Variants in SEMA3E observed in about 807,000 individuals in gnomAD.
SEMA3E encodes semaphorin 3E, also known as semaphorin-3E.
A neutral mutation model predicts 93.6 loss-of-function variants in SEMA3E; 49 were observed. The observed-to-expected ratio is 0.52, with a 90% CI of 0.42 to 0.66. The LOEUF (loss-of-function observed/expected upper bound fraction) is 0.66. Ranked by LOEUF, SEMA3E falls within the 30% of genes least tolerant of loss-of-function variation. The probability of loss-of-function intolerance (pLI) is 0.00; values close to 1 mark genes in which losing one functional copy is unlikely to be tolerated. For missense variants in SEMA3E, 906 were observed against 964.8 expected (o/e 0.94, Z 0.81); for synonymous variants, 363 against 330.7 (o/e 1.10, Z -1.06).
At chr7:83,629,353 G>T (rs2115665685) in intron 1 of SEMA3E, among the ~76,000 whole-genome samples, 1 of 152,296 alleles carries the variant, frequency 6.6e-6, no homozygotes, top group African/African-American at 2.4e-5. Context: ...TAGAGCCACT[G>T]CTCTCTTCAG....
At chr7:83,502,275 C>T (rs1377242385) in intron 1 of SEMA3E, among the ~76,000 whole-genome samples, 1 of 152,204 alleles carries the variant, frequency 6.6e-6, no homozygotes, top group Admixed American at 6.5e-5. Flanking sequence ...GTTCACCTCA[C>T]AGTAGCCAGA....
intron 1 of SEMA3E, among the ~76,000 whole-genome samples, chr7:83,546,699 A>G (rs1013821612): frequency 2.6e-5 from 4 of 152,104 alleles, no homozygotes; most frequent in African/African-American, 9.7e-5. Flanking sequence ...GAGTCTAGAC[A>G]AAAGATTTCA....
chr7:83,421,037 A>C (rs1788661908), intron 4 of SEMA3E, among the ~76,000 whole-genome samples: 1 of 142,570 alleles, frequency 7.0e-6, no homozygotes, highest in African/African-American at 2.5e-5. Flanking sequence ...CAACTTACAG[A>C]ATGTGAGAAA....
chr7:83,576,260 T>A (rs1792400132), intron 1 of SEMA3E, among the ~76,000 whole-genome samples: 1 of 152,206 alleles, frequency 6.6e-6, no homozygotes, highest in Non-Finnish European at 1.5e-5. Flanking sequence ...TGGAAGCTTA[T>A]CTATCAACGG....
At chr7:83,473,491 CA>C (rs1789945668) in intron 2 of SEMA3E, among the ~76,000 whole-genome samples, 1 of 152,190 alleles carries the variant, frequency 6.6e-6, no homozygotes, top group Non-Finnish European at 1.5e-5. Context: ...TTCTGATTAT[CA>C]AACAAAATAT....
rs946704830 is a variant in SEMA3E at position 83,571,266 on chromosome 7, T to C, written c.115+77162A>G. Reference sequence around the variant, plus strand: ...ATGCCAAAATCTGCCAGAGAGACAATGAAAAAAGAAAACTTCAGGCCCATA... The same window carrying C: ...ATGCCAAAATCTGCCAGAGAGACAACGAAAAAAGAAAACTTCAGGCCCATA... On this transcript the variant is annotated intron_variant, in intron 1 of 16. Transcript: ENST00000643230. Among the ~76,000 whole-genome samples, 5 of 151,778 alleles carry C rather than the reference T, an allele frequency of 3.3e-5. No homozygotes were observed. The South Asian group carries it at 1.0e-3, about 32-fold the overall frequency.
At chr7:83,608,448 T>A (rs1793173518) in intron 1 of SEMA3E, among the ~76,000 whole-genome samples, 1 of 152,148 alleles carries the variant, frequency 6.6e-6, no homozygotes. Context: ...CTACTTTTCT[T>A]TTTTTCATGA....
intron 1 of SEMA3E, among the ~76,000 whole-genome samples, chr7:83,538,059 A>G (rs1042492148): frequency 4.6e-5 from 7 of 152,052 alleles, no homozygotes; most frequent in Non-Finnish European, 8.8e-5. Flanking sequence ...GCATGTACTC[A>G]TTTCATTGTA....
At chr7:83,458,556 G>A (rs373948446) in intron 4 of SEMA3E, among the ~76,000 whole-genome samples, 6 of 151,800 alleles carry the variant, frequency 4.0e-5, no homozygotes, top group Non-Finnish European at 8.8e-5. Flanking sequence ...CATCTGAACC[G>A]TATGTGCAAG....
intron 1 of SEMA3E, among the ~76,000 whole-genome samples, chr7:83,510,054 A>G (rs1189966976): frequency 6.6e-6 from 1 of 152,148 alleles, no homozygotes; most frequent in Non-Finnish European, 1.5e-5. Flanking sequence ...TTGCTTGACT[A>G]TTACATCAAC....
rs933642895 is a variant in SEMA3E, at chr7:83,385,515, C to A, written c.1736-82G>T. 3.0e-6 allele frequency: 4 copies of A among 1,318,754 alleles called. No homozygotes were observed. In the African/African-American group the frequency reaches 4.4e-5, roughly 14 times the overall value. The allele number at this position is 1,318,754 out of a possible 1,614,324, so 81.7% of individuals were successfully genotyped here. ...TTTTCAAACATTATTTAGATCCCTG[C>A]AGTAACATGATTAACTCATTACTTA... On this transcript the variant is annotated intron_variant, in intron 15 of 16. Transcript: ENST00000643230.
At chr7:83,460,018 ACT>A (rs746711984) in intron 4 of SEMA3E, among the ~76,000 whole-genome samples, 5 of 151,788 alleles carry the variant, frequency 3.3e-5, no homozygotes, top group Admixed American at 6.6e-5. Flanking sequence ...CCCTTCGCTG[ACT>A]CTCTTTTCGG....
intron 1 of SEMA3E, among the ~76,000 whole-genome samples, chr7:83,564,560 A>G (rs1226110158): frequency 6.6e-6 from 1 of 152,218 alleles, no homozygotes; most frequent in East Asian, 1.9e-4. Context: ...TCTTTACTAA[A>G]ATATTTTAGT....
intron 1 of SEMA3E, among the ~76,000 whole-genome samples, chr7:83,552,915 G>A (rs929891832): frequency 6.6e-6 from 1 of 152,018 alleles, no homozygotes; most frequent in African/African-American, 2.4e-5. Flanking sequence ...GATCTTTGTT[G>A]GACCCTTATC....
At chr7:83,390,079 G>A (rs148567959) in intron 14 of SEMA3E, among the ~76,000 whole-genome samples, 7,821 of 104,332 alleles carry the variant, frequency 0.075, 763 homozygotes, top group Middle Eastern at 0.092. Flanking sequence ...GCGCGTATAC[G>A]TGTGCACATA....
At chr7:83,448,733 A>G (rs1789289615) in intron 4 of SEMA3E, among the ~76,000 whole-genome samples, 1 of 152,258 alleles carries the variant, frequency 6.6e-6, no homozygotes, top group African/African-American at 2.4e-5. Context: ...TGTAGCTGCT[A>G]CAAAACATCC....
At chr7:83,514,205 C>T (rs1279872681) in intron 1 of SEMA3E, among the ~76,000 whole-genome samples, 2 of 152,062 alleles carry the variant, frequency 1.3e-5, no homozygotes, top group Non-Finnish European at 2.9e-5. Context: ...TAATCCACCC[C>T]TTGTTTAGCA....
chr7:83,508,750 A>C (rs2115637186), intron 1 of SEMA3E, among the ~76,000 whole-genome samples: 1 of 152,312 alleles, frequency 6.6e-6, no homozygotes, highest in Non-Finnish European at 1.5e-5. Context: ...GATGACAAGT[A>C]TTTAGCACAT....
At chr7:83,389,919 A>C (rs2115564243) in intron 14 of SEMA3E, among the ~76,000 whole-genome samples, 1 of 122,852 alleles carries the variant, frequency 8.1e-6, no homozygotes, top group African/African-American at 2.8e-5. Context: ...ATATACACGT[A>C]TATATTACAT....
Sources: allele counts gnomAD v4.1 joint callset (sites outside exome capture counted in the v4.1 genomes callset), GRCh38; gene constraint gnomAD v4.1.1; transcripts MANE v1.5; gene names NCBI Gene and HGNC (gene_info 2026-07-23, HGNC 2026-07-21).